ATP10A: variants seen among roughly 807,000 people sequenced by gnomAD.
The protein encoded by ATP10A is phospholipid-transporting ATPase VA.
Under a neutral mutation model 147.8 loss-of-function variants are expected in ATP10A, and 111 were observed. The ratio of observed to expected loss-of-function variants is 0.75; its 90% CI spans 0.64 to 0.88. The LOEUF (loss-of-function observed/expected upper bound fraction) is 0.88, where lower values mean the gene tolerates loss of function less well. ATP10A is among the 40% of genes least tolerant of loss of function. ATP10A has a pLI of 0.00. For synonymous variants in ATP10A, 875 were observed against 841.6 expected, an observed-to-expected ratio of 1.04 and a Z score of -0.69; for missense variants, 1,927 against 1,959.0, an observed-to-expected ratio of 0.98 and a Z score of 0.31.
intron 1 of ATP10A, among the ~76,000 whole-genome samples, chr15:25,782,533 G>A (rs1046268369): frequency 1.1e-4 from 16 of 152,080 alleles, no homozygotes; most frequent in Non-Finnish European, 2.1e-4. Context: ...AGCCAAATGG[G>A]ACTTAAAGTG....
At chr15:25,790,575 C>T (rs988073305) in intron 1 of ATP10A, among the ~76,000 whole-genome samples, 2 of 152,180 alleles carry the variant, frequency 1.3e-5, no homozygotes, top group Non-Finnish European at 2.9e-5. Context: ...ATGCTATGCT[C>T]ACATCACATA....
intron 1 of ATP10A, among the ~76,000 whole-genome samples, chr15:25,799,901 CCAA>C (rs75293205): frequency 1.3e-5 from 2 of 152,060 alleles, no homozygotes; most frequent in East Asian, 1.9e-4. Flanking sequence ...CTCTTCCTGG[CCAA>C]CAACAACAAC....
At chr15:25,700,305 C>G (rs963138151) in intron 13 of ATP10A, among the ~76,000 whole-genome samples, 1 of 152,206 alleles carries the variant, frequency 6.6e-6, no homozygotes, top group Non-Finnish European at 1.5e-5. Context: ...CTGGCAGCTT[C>G]TTATAAACTT....
intron 1 of ATP10A, among the ~76,000 whole-genome samples, chr15:25,833,934 T>A (rs1427628557): frequency 2.6e-5 from 4 of 151,784 alleles, no homozygotes; most frequent in Non-Finnish European, 4.4e-5. Flanking sequence ...ATGGCGCCAC[T>A]GCACTCCAGC....
intron 1 of ATP10A, among the ~76,000 whole-genome samples, chr15:25,803,007 G>T (rs544398221): frequency 6.6e-6 from 1 of 152,166 alleles, no homozygotes. Flanking sequence ...CTGTTTTAGG[G>T]GTTTTGCCTA....
At position 25,765,434 on chromosome 15, in the gene ATP10A, A is replaced by T. The variant is rs144864860; in HGVS notation, c.654+15585T>A. 8.1e-4 allele frequency among the ~76,000 whole-genome samples: 124 copies of T among 152,258 alleles called. 1 individual carries two copies. Among genetic ancestry groups the T allele is most frequent in the African/African-American group, 2.9e-3 (122 of 41,538 alleles). On this transcript the variant is annotated intron_variant, in intron 2 of 20. Transcript: ENST00000555815. ...CTTGCTCTGGTTTTCTGGCACCAAG[A>T]AAGCTCAGGTTAAAGTCAGAGACTT... is the stretch of plus-strand genomic sequence containing the variant.
At chr15:25,766,831 C>T (rs1369178228) in intron 2 of ATP10A, among the ~76,000 whole-genome samples, 2 of 150,654 alleles carry the variant, frequency 1.3e-5, no homozygotes, top group African/African-American at 4.9e-5. Context: ...GAGAAGGCAC[C>T]AGTCCCAAAA....
intron 1 of ATP10A, among the ~76,000 whole-genome samples, chr15:25,834,583 G>T (rs1019344043): frequency 5.3e-5 from 8 of 152,280 alleles, no homozygotes; most frequent in Middle Eastern, 3.4e-3. Context: ...AACCTCAGGG[G>T]TATCGTGTGC....
chr15:25,716,280 G>A (rs1326983278), intron 9 of ATP10A, among the ~76,000 whole-genome samples: 1 of 152,218 alleles, frequency 6.6e-6, no homozygotes, highest in Non-Finnish European at 1.5e-5. Context: ...CCCCCGGCCT[G>A]TCTTGTCCTC....
At chr15:25,834,232 C>G (rs1325849413) in intron 1 of ATP10A, among the ~76,000 whole-genome samples, 1 of 152,118 alleles carries the variant, frequency 6.6e-6, no homozygotes, top group Non-Finnish European at 1.5e-5. Flanking sequence ...AAGAGACAAC[C>G]TGCAGAATGG....
At chr15:25,708,155 G>T in intron 11 of ATP10A, 42 bp downstream of exon 11, 2 of 1,613,410 alleles carry the variant, frequency 1.2e-6, no homozygotes, top group Non-Finnish European at 1.7e-6. Flanking sequence ...ACTGTGGGGC[G>T]GCCACCTGCA....
chr15:25,789,972 T>C (rs1383501215), intron 1 of ATP10A, among the ~76,000 whole-genome samples: 1 of 152,150 alleles, frequency 6.6e-6, no homozygotes, highest in Non-Finnish European at 1.5e-5. Context: ...AGGACAAAGA[T>C]TCTGGAAAAT....
At chr15:25,736,552 A>G (rs1887293374) in intron 2 of ATP10A, among the ~76,000 whole-genome samples, 1 of 152,146 alleles carries the variant, frequency 6.6e-6, no homozygotes, top group South Asian at 2.1e-4. Flanking sequence ...AATAAATTCT[A>G]TTTTTTCAAC....
At chr15:25,780,950 C>T in intron 2 of ATP10A, 69 bp downstream of exon 2, 1 of 1,517,708 alleles carries the variant, frequency 6.6e-7, no homozygotes, top group Non-Finnish European at 9.0e-7. Flanking sequence ...CTCTGAGCCC[C>T]AGAAGGCTGT....
chr15:25,728,861 C>T (rs974205919), intron 3 of ATP10A, among the ~76,000 whole-genome samples: 6 of 152,100 alleles, frequency 3.9e-5, no homozygotes, highest in African/African-American at 1.4e-4. Context: ...AGAGCGAATG[C>T]GAGGGGTTGG....
chr15:25,781,449 G>A (rs753655932), intron 1 of ATP10A, among the ~76,000 whole-genome samples: 115 of 152,178 alleles, frequency 7.6e-4, no homozygotes, highest in Non-Finnish European at 1.4e-3. Flanking sequence ...GAGGTCAGGA[G>A]TTTGAGACCA....
chr15:25,820,335 T>C (rs773387451), intron 1 of ATP10A, among the ~76,000 whole-genome samples: 14 of 152,192 alleles, frequency 9.2e-5, no homozygotes, highest in Non-Finnish European at 1.5e-4. Flanking sequence ...ATGGACAGAA[T>C]GTCTATGGAG....
intron 2 of ATP10A, among the ~76,000 whole-genome samples, chr15:25,764,378 A>C (rs916118084): frequency 3.9e-5 from 6 of 152,146 alleles, no homozygotes; most frequent in African/African-American, 1.4e-4. Context: ...TGAGTCCCCC[A>C]TGTATATGTT....
chr15:25,730,233 T>G (rs1269923590), intron 3 of ATP10A, among the ~76,000 whole-genome samples: 2 of 145,466 alleles, frequency 1.4e-5, no homozygotes, highest in Middle Eastern at 3.8e-3. Flanking sequence ...ACCCAGGAGG[T>G]GGAGGTTGCA....
Sources: gnomAD v4.1 joint callset for allele counts (sites outside exome capture counted in the v4.1 genomes callset) on GRCh38, gnomAD v4.1.1 for gene constraint, MANE v1.5 for transcripts, NCBI Gene and HGNC (gene_info 2026-07-23, HGNC 2026-07-21) for gene names.